The following TBX22 variants were observed in gnomAD, a reference collection of about 807,000 sequenced individuals.
The protein encoded by TBX22 is T-box transcription factor TBX22.
TBX22 carries 8 observed loss-of-function variants against 30.1 expected under a neutral mutation model. That is an observed-to-expected ratio of 0.27 (90% CI 0.16 to 0.48). TBX22 has a LOEUF of 0.48. Among genes scored for constraint, TBX22 ranks in the 20% least tolerant of loss-of-function variants. TBX22 has a pLI of 0.99. For synonymous variants in TBX22, 173 were observed against 149.1 expected (o/e 1.16, Z -1.17); for missense variants, 463 against 400.5 (o/e 1.16, Z -1.33).
At chrX:80,015,394 A>C (rs1923386327) in intron 1 of TBX22, among the ~76,000 whole-genome samples, 1 of 111,964 alleles carries the variant, frequency 8.9e-6, no homozygotes, top group Admixed American at 9.4e-5. Flanking sequence ...CAAGGGCTCT[A>C]AGTAGTGGTA....
rs186808380 is a variant in TBX22 at position 80,022,655 on chromosome X, G to A, written c.175+211G>A. ...AAGGGGAGGGTCCCTACATAATTGT[G>A]AAGTGAGTCTCTCCTACATCCTCCT... On this transcript the variant is annotated intron_variant, in intron 2 of 8. Coordinates refer to ENST00000373296, the MANE Select transcript of TBX22 (RefSeq NM_001109878.2). The A allele has an allele frequency of 4.3e-3, 1,938 of 454,602 alleles. 32 individuals are homozygous for A. The highest frequency in any genetic ancestry group is 0.042 in the African/African-American group (1,691 of 40,509). The allele number at this position is 454,602 out of a possible 1,213,427, so 37.5% of individuals were successfully genotyped here.
At chrX:80,016,486 T>C (rs375108842) in intron 1 of TBX22, among the ~76,000 whole-genome samples, 1 of 110,008 alleles carries the variant, frequency 9.1e-6, no homozygotes, top group East Asian at 2.8e-4. Flanking sequence ...ATAAAATAAT[T>C]CCTCATAAAC....
chrX:80,021,843 A>G (rs1029442063), intron 1 of TBX22, among the ~76,000 whole-genome samples: 9 of 112,174 alleles, frequency 8.0e-5, no homozygotes, highest in Admixed American at 1.9e-4. Context: ...GCTCCCTAAA[A>G]GGCCAGCACT....
At chrX:80,022,972 T>C in intron 2 of TBX22, 88 bp from the exon 3 acceptor site, 1 of 960,381 alleles carries the variant, frequency 1.0e-6, no homozygotes, top group East Asian at 3.2e-5. Flanking sequence ...GACAAGGCCC[T>C]GTCTGCTCCA....
intron 5 of TBX22, among the ~76,000 whole-genome samples, chrX:80,026,104 A>G (rs1236888519): frequency 1.8e-5 from 2 of 111,195 alleles, no homozygotes; most frequent in African/African-American, 3.3e-5. Context: ...GGCAATCACT[A>G]TGATCTCTGA....
At position 80,023,166 on chromosome X, in the gene TBX22, G is replaced by T; in HGVS notation, c.282G>T (p.Met94Ile). The change falls in exon 3 of 9, where the codon ATG (methionine) becomes ATT (isoleucine). Residue 94 changes from methionine (M) to isoleucine (I), a missense_variant. By Grantham distance (10) the Met-to-Ile change is conservative. Coordinates refer to ENST00000373296, the MANE Select transcript of TBX22 (RefSeq NM_001109878.2). Reference sequence around the variant, plus strand: ...GTCTGGAAGAGAAAGATATTCAAATGGAGCTTCAAGGATCTGAACTGTGGA... The same window carrying T: ...GTCTGGAAGAGAAAGATATTCAAATTGAGCTTCAAGGATCTGAACTGTGGA... The part of the protein sequence containing the change: ...SESLEEKDIQ[M>I]ELQGSELWKR... 8.3e-7 allele frequency: 1 copy of T among 1,211,497 alleles called. No homozygotes were observed. Among genetic ancestry groups the T allele is most frequent in the South Asian group, 1.8e-5 (1 of 56,988 alleles).
Position 80,031,357 on chromosome X carries a change from A to C in TBX22, c.*246A>C. 2.7e-6 allele frequency: 1 copy of C among 367,519 alleles called. No individual in the cohort carries two copies. Among genetic ancestry groups the C allele is most frequent in the Middle Eastern group, 7.6e-4 (1 of 1,317 alleles). 30.3% of individuals were successfully genotyped at this position (367,519 alleles called of 1,213,427 possible). ...TGAGCTTCAAAATGAGATATGCAATAAATATTATTTGATGATACTCCACCA... is the reference window on the plus strand; with the variant it reads ...TGAGCTTCAAAATGAGATATGCAATCAATATTATTTGATGATACTCCACCA... On this transcript the variant is annotated 3_prime_UTR_variant, in exon 9 of 9. Coordinates refer to ENST00000373296, the MANE Select transcript of TBX22 (RefSeq NM_001109878.2).
rs1211826019 is a variant in TBX22, at chrX:80,031,746, C to A, written c.*635C>A. On this transcript the variant is annotated 3_prime_UTR_variant, in exon 9 of 9. Transcript: ENST00000373296. ...AAGATCAAATGAAAAGTAAAACACT[C>A]TAAATAAATTTGCTTTTATTTTCTT... 1 of 111,513 alleles carries A rather than the reference C, an allele frequency of 9.0e-6. No homozygotes were observed. The allele number at this position is 111,513 out of a possible 1,213,427, so 9.2% of individuals were successfully genotyped here.
At chrX:80,019,510 C>T (rs191593384) in intron 1 of TBX22, among the ~76,000 whole-genome samples, 1,340 of 111,566 alleles carry the variant, frequency 0.012, 21 homozygotes, top group African/African-American at 0.04. Flanking sequence ...CCACATGTTT[C>T]GCTGCCCCTC....
chrX:80,030,303 A>G (rs1924183850), intron 8 of TBX22, among the ~76,000 whole-genome samples, 195 bp from the exon 9 acceptor site: 1 of 112,121 alleles, frequency 8.9e-6, no homozygotes, highest in African/African-American at 3.2e-5. Context: ...CATTAGCGAT[A>G]CCTAGTATAG....
chrX:80,018,744 GA>G (rs1308235743), intron 1 of TBX22, among the ~76,000 whole-genome samples: 2 of 111,865 alleles, frequency 1.8e-5, no homozygotes, highest in African/African-American at 6.5e-5. Context: ...CACACTTACA[GA>G]AACATACTCT....
intron 8 of TBX22, among the ~76,000 whole-genome samples, chrX:80,028,393 T>C: frequency 8.9e-6 from 1 of 112,620 alleles, no homozygotes; most frequent in Non-Finnish European, 1.9e-5. Flanking sequence ...AGGATATGCC[T>C]GTGGTGCATT....
rs772130317 is a variant in TBX22, at chrX:80,022,374, G to C, written c.105G>C (p.Leu35=). ...QDPIQAEQPE[L]REKKGGEEEE... is the part of the protein sequence containing the mutation. Reference sequence around the variant, plus strand: ...CAATACAGGCGGAGCAGCCTGAGCTGCGGGAGAAAAAGGGCGGAGAGGAAG... The same window carrying C: ...CAATACAGGCGGAGCAGCCTGAGCTCCGGGAGAAAAAGGGCGGAGAGGAAG... The change falls in exon 2 of 9, where the codon CTG becomes CTC. Residue 35 remains leucine, a synonymous_variant. Transcript: ENST00000373296. 5.0e-6 allele frequency: 6 copies of C among 1,208,836 alleles called. No homozygotes were observed. Among genetic ancestry groups the C allele is most frequent in the Admixed American group, 2.2e-5 (1 of 45,739 alleles).
At chrX:80,029,062 G>A (rs1346027666) in intron 8 of TBX22, among the ~76,000 whole-genome samples, 1 of 111,505 alleles carries the variant, frequency 9.0e-6, no homozygotes, top group African/African-American at 3.2e-5. Flanking sequence ...TAAAGAAAAA[G>A]TTAAAGATGA....
chrX:80,022,599 C>A, intron 2 of TBX22, 155 bp downstream of exon 2: 1 of 542,522 alleles, frequency 1.8e-6, no homozygotes, highest in South Asian at 2.6e-5. Context: ...CCTCCGAATC[C>A]ATCCCGGAGT....
intron 4 of TBX22, 107 bp downstream of exon 4, chrX:80,024,271 G>A (rs1923865820): frequency 2.8e-6 from 2 of 703,810 alleles, no homozygotes; most frequent in Non-Finnish European, 4.5e-6. Flanking sequence ...AGCATGGGGG[G>A]TGGGAGTGGG....
At chrX:80,022,639 G>A in intron 2 of TBX22, 195 bp downstream of exon 2, 1 of 473,883 alleles carries the variant, frequency 2.1e-6, no homozygotes, top group East Asian at 3.7e-5. Flanking sequence ...AAAGGGGAGG[G>A]TCCCTACATA....
Position 80,026,882 on chromosome X carries a change from T to C in TBX22, c.798+14T>C. The C allele has an allele frequency of 4.1e-6, 5 of 1,210,229 alleles. No individual in the cohort carries two copies. Among genetic ancestry groups the C allele is most frequent in the Non-Finnish European group, 5.6e-6 (5 of 894,080 alleles). The stretch of plus-strand genomic sequence containing the variant: ...CAAAACCAACAGGTAAACTTGGTCA[T>C]GTCTCAGGCGAATGGAAATGGCTCC... On this transcript the variant is annotated intron_variant, in intron 6 of 8. Coordinates refer to ENST00000373296, the MANE Select transcript of TBX22 (RefSeq NM_001109878.2).
At chrX:80,019,125 C>T (rs768501600) in intron 1 of TBX22, among the ~76,000 whole-genome samples, 1 of 111,777 alleles carries the variant, frequency 8.9e-6, no homozygotes, top group East Asian at 2.8e-4. Context: ...GTAATGGAAA[C>T]CCAGCTGAAG....
Sources: allele counts gnomAD v4.1 joint callset (sites outside exome capture counted in the v4.1 genomes callset), GRCh38; gene constraint gnomAD v4.1.1; transcripts MANE v1.5; gene names NCBI Gene and HGNC (gene_info 2026-07-23, HGNC 2026-07-21).